The following ESR1 variants were observed in gnomAD, a reference collection of about 807,000 sequenced individuals.
ESR1 encodes the protein estrogen receptor 1.
ESR1 carries 12 observed loss-of-function variants against 52.7 expected under a neutral mutation model. The ratio of observed to expected loss-of-function variants is 0.23; its 90% CI spans 0.15 to 0.37. The LOEUF is 0.37. Among genes scored for constraint, ESR1 ranks in the 10% least tolerant of loss-of-function variants. The pLI is 1.00. For synonymous variants in ESR1, 305 were observed against 316.8 expected, an observed-to-expected ratio of 0.96 and a Z score of 0.39; for missense variants, 584 against 779.7, an observed-to-expected ratio of 0.75 and a Z score of 2.99.
At chr6:151,941,561 A>G (rs1204354720) in intron 3 of ESR1, among the ~76,000 whole-genome samples, 1 of 144,918 alleles carries the variant, frequency 6.9e-6, no homozygotes, top group African/African-American at 2.6e-5. Flanking sequence ...TTTTTTTTCT[A>G]ATGTTTCAAA....
chr6:151,998,119 A>G (rs2041651356), intron 4 of ESR1, among the ~76,000 whole-genome samples: 1 of 152,178 alleles, frequency 6.6e-6, no homozygotes, highest in Non-Finnish European at 1.5e-5. Context: ...GCTTATTAAG[A>G]AAATTATTTG....
At chr6:151,694,795 C>CA (rs71017507) in intron 1 of ESR1, among the ~76,000 whole-genome samples, 63,179 of 139,000 alleles carry the variant, frequency 0.45, 13,683 homozygotes, top group African/African-American at 0.54. Context: ...TAAAAAAAGA[C>CA]AAAAAAAAAA....
chr6:151,977,786 C>T (rs1385784523), intron 4 of ESR1, among the ~76,000 whole-genome samples: 1 of 151,570 alleles, frequency 6.6e-6, no homozygotes, highest in African/African-American at 2.4e-5. Flanking sequence ...CAGAGTGAGA[C>T]ACCATCTCAA....
intron 2 of ESR1, among the ~76,000 whole-genome samples, chr6:151,791,419 C>T: frequency 6.6e-6 from 1 of 152,214 alleles, no homozygotes; most frequent in East Asian, 1.9e-4. Context: ...CTTCCTTTGT[C>T]TTCTGCCATG....
At chr6:151,898,384 ATTTTTTT>A (rs371510396) in intron 3 of ESR1, among the ~76,000 whole-genome samples, 3 of 101,220 alleles carry the variant, frequency 3.0e-5, no homozygotes, top group African/African-American at 1.1e-4. Flanking sequence ...GGTTTTGTTC[ATTTTTTT>A]TTTTTTTTCT....
At chr6:151,793,166 A>G (rs6935074) in intron 2 of ESR1, among the ~76,000 whole-genome samples, 52,569 of 149,644 alleles carry the variant, frequency 0.35, 11,771 homozygotes, top group African/African-American at 0.63. Context: ...ACGAGACTCT[A>G]TCTCAAAAAA....
intron 3 of ESR1, among the ~76,000 whole-genome samples, chr6:151,897,849 C>A (rs1795793845): frequency 6.6e-6 from 1 of 152,098 alleles, no homozygotes; most frequent in Non-Finnish European, 1.5e-5. Context: ...AGATTTGGAG[C>A]TCCTTTTAGC....
At chr6:151,872,700 C>T (rs1157983193) in intron 2 of ESR1, among the ~76,000 whole-genome samples, 1 of 152,186 alleles carries the variant, frequency 6.6e-6, no homozygotes, top group Admixed American at 6.5e-5. Flanking sequence ...TATTCCCATA[C>T]TCCCTCTTTG....
intron 2 of ESR1, among the ~76,000 whole-genome samples, chr6:151,765,984 C>T (rs1785020696): frequency 6.6e-6 from 1 of 152,172 alleles, no homozygotes; most frequent in Admixed American, 6.5e-5. Context: ...AGATGAGAGA[C>T]AGTTTTTCCC....
intron 6 of ESR1, among the ~76,000 whole-genome samples, chr6:152,072,738 T>C (rs1297664389): frequency 3.9e-5 from 6 of 152,242 alleles, no homozygotes; most frequent in Non-Finnish European, 7.3e-5. Flanking sequence ...TATGCATGAA[T>C]GTCAGGAGGG....
chr6:152,014,556 A>G (rs2043023929), intron 5 of ESR1, among the ~76,000 whole-genome samples: 1 of 152,072 alleles, frequency 6.6e-6, no homozygotes, highest in East Asian at 1.9e-4. Context: ...GGTGACATCA[A>G]CACTCACCTA....
upstream of ESR1, among the ~76,000 whole-genome samples, chr6:151,688,937 C>A (rs1427056690): frequency 1.3e-5 from 2 of 152,114 alleles, no homozygotes; most frequent in African/African-American, 4.8e-5. Context: ...CAAGAAAGCA[C>A]ATATTGGAAT....
At chr6:152,071,176 C>T (rs1236121109) in intron 6 of ESR1, among the ~76,000 whole-genome samples, 1 of 152,160 alleles carries the variant, frequency 6.6e-6, no homozygotes, top group Non-Finnish European at 1.5e-5. Flanking sequence ...ATTAGGAAGG[C>T]AGCTCCTACC....
At chr6:152,095,991 A>G (rs1182250997) in intron 7 of ESR1, among the ~76,000 whole-genome samples, 2 of 152,214 alleles carry the variant, frequency 1.3e-5, no homozygotes, top group East Asian at 3.9e-4. Flanking sequence ...TTTCCATTCC[A>G]TTGTCCTGTA....
At chr6:151,860,854 A>G (rs1420574597) in intron 2 of ESR1, among the ~76,000 whole-genome samples, 1 of 152,202 alleles carries the variant, frequency 6.6e-6, no homozygotes, top group Middle Eastern at 3.2e-3. Context: ...AGATCAGAAC[A>G]TTTAAAAACT....
chr6:151,808,528 T>C (rs1229557214), intron 1 of ESR1, among the ~76,000 whole-genome samples, 164 bp downstream of exon 1: 5 of 152,094 alleles, frequency 3.3e-5, no homozygotes, highest in Admixed American at 3.3e-4. Flanking sequence ...CCGGGGGTTC[T>C]GCGTGCAGCC....
At chr6:152,085,645 T>C (rs950864510) in intron 6 of ESR1, among the ~76,000 whole-genome samples, 5 of 152,164 alleles carry the variant, frequency 3.3e-5, no homozygotes, top group African/African-American at 9.6e-5. Context: ...TATCCCAGCA[T>C]AGGACACTAG....
chr6:152,057,345 C>T (rs544836555), intron 5 of ESR1, among the ~76,000 whole-genome samples: 2 of 152,280 alleles, frequency 1.3e-5, no homozygotes, highest in South Asian at 4.1e-4. Context: ...GCAAAACTAT[C>T]ATCAGAATCA....
chr6:151,677,186 C>T (rs1778281861), intron 1 of ESR1, among the ~76,000 whole-genome samples: 1 of 152,080 alleles, frequency 6.6e-6, no homozygotes. Flanking sequence ...CAAACTAAGA[C>T]TCTGATTTTC....
Sources: gnomAD v4.1 joint callset for allele counts (sites outside exome capture counted in the v4.1 genomes callset) on GRCh38, gnomAD v4.1.1 for gene constraint, MANE v1.5 for transcripts, NCBI Gene and HGNC (gene_info 2026-07-23, HGNC 2026-07-21) for gene names.